Variants in CREB5 observed in about 807,000 individuals in gnomAD.
CREB5 encodes cAMP responsive element binding protein 5, also known as cyclic AMP-responsive element-binding protein 5.
In CREB5, 19 loss-of-function variants were observed where a neutral mutation model predicts 57.1. The observed-to-expected ratio is 0.33, with a 90% CI of 0.23 to 0.49. CREB5 has a LOEUF of 0.49. CREB5 is among the 20% of genes least tolerant of loss of function. The probability of loss-of-function intolerance (pLI) is 0.99; values close to 1 mark genes in which losing one functional copy is unlikely to be tolerated. For missense variants in CREB5, 579 were observed against 671.6 expected (o/e 0.86, Z 1.52); for synonymous variants, 238 against 238.3 (o/e 1.00, Z 0.01).
At chr7:28,523,801 C>G (rs753301703) in intron 4 of CREB5, among the ~76,000 whole-genome samples, 6 of 152,212 alleles carry the variant, frequency 3.9e-5, no homozygotes, top group African/African-American at 1.4e-4. Context: ...CTCCATGAAG[C>G]CTTCTCTGAT....
chr7:28,635,051 C>A (rs1753777469), intron 5 of CREB5, among the ~76,000 whole-genome samples: 1 of 152,096 alleles, frequency 6.6e-6, no homozygotes, highest in South Asian at 2.1e-4. Flanking sequence ...TTACTTGGGG[C>A]TGTTTATTCC....
chr7:28,321,740 C>G (rs1238462724), intron 1 of CREB5, among the ~76,000 whole-genome samples: 2 of 152,176 alleles, frequency 1.3e-5, no homozygotes, highest in Non-Finnish European at 2.9e-5. Context: ...CCCTAGTGCA[C>G]ACTTCATTGT....
intron 5 of CREB5, among the ~76,000 whole-genome samples, chr7:28,585,357 C>T (rs1184168158): frequency 6.6e-6 from 1 of 152,154 alleles, no homozygotes; most frequent in African/African-American, 2.4e-5. Context: ...GGAAGGAGAG[C>T]CCAGGGTGGG....
chr7:28,605,051 AAGAG>A (rs1797077992), intron 5 of CREB5, among the ~76,000 whole-genome samples: 1 of 152,128 alleles, frequency 6.6e-6, no homozygotes, highest in African/African-American at 2.4e-5. Context: ...CATTAAAAAA[AAGAG>A]ATAACATTGC....
At chr7:28,671,525 C>G (rs1800039318) in intron 5 of CREB5, among the ~76,000 whole-genome samples, 1 of 152,158 alleles carries the variant, frequency 6.6e-6, no homozygotes, top group Non-Finnish European at 1.5e-5. Context: ...TGGCCTTTTT[C>G]CCTGTCTCAG....
At chr7:28,480,787 A>T (rs1456100590) in intron 1 of CREB5, among the ~76,000 whole-genome samples, 1 of 152,244 alleles carries the variant, frequency 6.6e-6, no homozygotes, top group African/African-American at 2.4e-5. Flanking sequence ...TGCGGTTCAT[A>T]CGCATTCAGC....
intron 1 of CREB5, among the ~76,000 whole-genome samples, chr7:28,421,924 G>A (rs113319810): frequency 1.1e-4 from 4 of 35,142 alleles, no homozygotes; most frequent in African/African-American, 2.1e-4. Context: ...GTATGTGTGT[G>A]TATGTGTATA....
At chr7:28,326,152 A>G (rs1470608728) in intron 1 of CREB5, among the ~76,000 whole-genome samples, 1 of 144,754 alleles carries the variant, frequency 6.9e-6, no homozygotes, top group East Asian at 2.0e-4. Context: ...ACACACACAC[A>G]TTATCTATCT....
chr7:28,775,564 A>G (rs1233215396), intron 7 of CREB5, among the ~76,000 whole-genome samples: 1 of 142,714 alleles, frequency 7.0e-6, no homozygotes, highest in Non-Finnish European at 1.6e-5. Context: ...ATATATATAT[A>G]TTAGCGTATT....
upstream of CREB5, among the ~76,000 whole-genome samples, chr7:28,408,634 C>T (rs1787642205): frequency 6.6e-6 from 1 of 152,206 alleles, no homozygotes; most frequent in South Asian, 2.1e-4. Context: ...AGCTGTGATT[C>T]ACCTTTCGCC....
At chr7:28,371,048 G>A (rs1396745069) in intron 1 of CREB5, among the ~76,000 whole-genome samples, 5 of 152,126 alleles carry the variant, frequency 3.3e-5, no homozygotes, top group African/African-American at 7.2e-5. Context: ...GCCAAGAAGC[G>A]AAAAAATAAA....
Position 28,823,391 on chromosome 7 carries a change from T to C in CREB5, c.*4112T>C, listed in dbSNP as rs1161982771. On this transcript the variant is annotated 3_prime_UTR_variant, in exon 11 of 11. Coordinates refer to ENST00000357727, the MANE Select transcript of CREB5 (RefSeq NM_182898.4). ...AACATTCCATTTGAACAGTATTCTGTAGGATCTACTTGTTTTTAAAGTGTT... is the reference window on the plus strand; with the variant it reads ...AACATTCCATTTGAACAGTATTCTGCAGGATCTACTTGTTTTTAAAGTGTT... 6.6e-6 allele frequency: 1 copy of C among 152,658 alleles called. No individual in the cohort carries two copies. The highest frequency in any genetic ancestry group is 1.9e-4 in the East Asian group (1 of 5,202). The allele number at this position is 152,658 out of a possible 1,614,324, so 9.5% of individuals were successfully genotyped here. A position where few individuals can be genotyped will look rare whatever the true frequency, so the allele number is the denominator to read the frequency against.
intron 1 of CREB5, among the ~76,000 whole-genome samples, chr7:28,378,212 C>T (rs374914934): frequency 1.8e-4 from 28 of 152,082 alleles, no homozygotes; most frequent in African/African-American, 6.0e-4. Context: ...CTTTAGCTCT[C>T]TTAGGTTTTC....
intron 1 of CREB5, among the ~76,000 whole-genome samples, chr7:28,454,821 A>T (rs1254058355): frequency 6.6e-6 from 1 of 152,144 alleles, no homozygotes; most frequent in African/African-American, 2.4e-5. Flanking sequence ...ATCACTTGGA[A>T]GATCCGACCT....
At position 28,724,217 on chromosome 7, in the gene CREB5, C is replaced by G; in HGVS notation, c.592-5C>G. The G allele has an allele frequency of 1.2e-6, 2 of 1,611,750 alleles. No homozygotes were observed. The highest frequency in any genetic ancestry group is 1.7e-6 in the Non-Finnish European group (2 of 1,179,254). On this transcript the variant is annotated splice_polypyrimidine_tract_variant and splice_region_variant and intron_variant, in intron 6 of 10. Coordinates refer to ENST00000357727, the MANE Select transcript of CREB5 (RefSeq NM_182898.4). ...CTTCTAATTCTTTTCTTTCCTTTCT[C>G]TTAGATGGAGCGACAAATGTCAGTG...
intron 5 of CREB5, among the ~76,000 whole-genome samples, chr7:28,570,855 G>A (rs184631060): frequency 1.7e-4 from 26 of 152,164 alleles, no homozygotes; most frequent in East Asian, 5.8e-4. Flanking sequence ...AGTATAGTGC[G>A]CAGAACAAAC....
chr7:28,676,748 C>G (rs1220665046), intron 5 of CREB5, among the ~76,000 whole-genome samples: 1 of 152,118 alleles, frequency 6.6e-6, no homozygotes, highest in African/African-American at 2.4e-5. Flanking sequence ...AGATGGGTAC[C>G]TTGCAATAGA....
At position 28,303,042 on chromosome 7, in the gene CREB5, G is replaced by A. The variant is rs184044545; in HGVS notation, c.-25+3601G>A. On this transcript the variant is annotated intron_variant, in intron 1 of 9. Transcript: ENST00000396299. Reference sequence around the variant, plus strand: ...TGGAATTAGTTGTAGCTTGGGAGGTGCTGGCAGGAGAATCGCTTGAACCTG... The same window carrying A: ...TGGAATTAGTTGTAGCTTGGGAGGTACTGGCAGGAGAATCGCTTGAACCTG... Among the ~76,000 whole-genome samples, 145 of 151,858 alleles carry A rather than the reference G, an allele frequency of 9.5e-4. 1 individual carries two copies. The highest frequency in any genetic ancestry group is 3.4e-3 in the African/African-American group (140 of 41,388).
chr7:28,304,030 C>T (rs1785144309), intron 1 of CREB5, among the ~76,000 whole-genome samples: 1 of 152,068 alleles, frequency 6.6e-6, no homozygotes, highest in East Asian at 1.9e-4. Flanking sequence ...ATTTGGAATG[C>T]TATAATGTGG....
Sources: gnomAD v4.1 joint callset for allele counts (sites outside exome capture counted in the v4.1 genomes callset) on GRCh38, gnomAD v4.1.1 for gene constraint, MANE v1.5 for transcripts, NCBI Gene and HGNC (gene_info 2026-07-23, HGNC 2026-07-21) for gene names.